NCKAP5: variants seen among roughly 807,000 people sequenced by gnomAD.
NCKAP5 encodes NCK associated protein 5.
In NCKAP5, 92 loss-of-function variants were observed where a neutral mutation model predicts 167.0. The ratio of observed to expected loss-of-function variants is 0.55; its 90% CI spans 0.47 to 0.66. The LOEUF (loss-of-function observed/expected upper bound fraction) is 0.66. Ranked by LOEUF, NCKAP5 falls within the 30% of genes least tolerant of loss-of-function variation. The pLI, the probability that NCKAP5 is intolerant of heterozygous loss-of-function variation, is 0.00. For synonymous variants in NCKAP5, 891 were observed against 877.4 expected, an observed-to-expected ratio of 1.02 and a Z score of -0.27; for missense variants, 2,378 against 2,315.0, an observed-to-expected ratio of 1.03 and a Z score of -0.56.
intron 3 of NCKAP5, among the ~76,000 whole-genome samples, chr2:133,503,267 C>A (rs1682700479): frequency 6.6e-6 from 1 of 152,230 alleles, no homozygotes; most frequent in Non-Finnish European, 1.5e-5. Flanking sequence ...GGGGGTATAA[C>A]TGTGAACGAG....
chr2:133,085,920 G>C (rs1350755387), intron 6 of NCKAP5, among the ~76,000 whole-genome samples: 1 of 152,196 alleles, frequency 6.6e-6, no homozygotes, highest in African/African-American at 2.4e-5. Flanking sequence ...TGGTAATAAG[G>C]GTCCCCCAAC....
intron 8 of NCKAP5, among the ~76,000 whole-genome samples, chr2:132,889,147 C>A (rs1261059565): frequency 6.6e-6 from 1 of 152,134 alleles, no homozygotes; most frequent in Non-Finnish European, 1.5e-5. Flanking sequence ...CACTGAGAGG[C>A]CAGCCATGGG....
chr2:133,591,221 T>C, the NCKAP5 span, among the ~76,000 whole-genome samples: 1 of 152,188 alleles, frequency 6.6e-6, no homozygotes, highest in Non-Finnish European at 1.5e-5. Flanking sequence ...ATTTAGATAC[T>C]GATGATCAAC....
chr2:132,916,751 G>T (rs1026385670), intron 8 of NCKAP5, among the ~76,000 whole-genome samples: 1 of 151,990 alleles, frequency 6.6e-6, no homozygotes, highest in African/African-American at 2.4e-5. Context: ...ACCACCTTTG[G>T]AATCATCACT....
intron 5 of NCKAP5, among the ~76,000 whole-genome samples, chr2:133,149,860 A>G (rs377407706): frequency 2.0e-4 from 31 of 152,158 alleles, no homozygotes; most frequent in African/African-American, 7.5e-4. Context: ...TGTTCAAAGT[A>G]TAAATTAACT....
At chr2:133,086,272 C>T (rs532538453) in intron 6 of NCKAP5, among the ~76,000 whole-genome samples, 70 of 152,226 alleles carry the variant, frequency 4.6e-4, no homozygotes, top group African/African-American at 1.6e-3. Flanking sequence ...GAGAAAATAT[C>T]TAAACAAACA....
At chr2:133,288,458 G>A (rs970528470) in intron 4 of NCKAP5, among the ~76,000 whole-genome samples, 2 of 152,130 alleles carry the variant, frequency 1.3e-5, no homozygotes, top group African/African-American at 4.8e-5. Flanking sequence ...ATTAGCCAGG[G>A]AGTCTGAATT....
intron 17 of NCKAP5, among the ~76,000 whole-genome samples, chr2:132,729,828 T>C (rs1020551029): frequency 6.6e-6 from 1 of 152,154 alleles, no homozygotes; most frequent in Non-Finnish European, 1.5e-5. Context: ...AGCATTTTGT[T>C]TGTGAGGGGA....
chr2:133,365,626 C>T (rs1362916207), intron 3 of NCKAP5, among the ~76,000 whole-genome samples: 4 of 152,136 alleles, frequency 2.6e-5, no homozygotes, highest in Non-Finnish European at 5.9e-5. Context: ...TTAATTTTCT[C>T]ACATCTTGCT....
chr2:132,732,589 G>A lies in NCKAP5; in HGVS notation c.5129-538C>T, dbSNP rs182092060. Among the ~76,000 whole-genome samples, 6 of 152,256 alleles carry A rather than the reference G, an allele frequency of 3.9e-5. No homozygotes were observed. The East Asian group carries it at 5.8e-4, about 15-fold the overall frequency. Reference sequence around the variant, plus strand: ...CAGCCTGTTACAAGCAGCAATAGTCGCTTGTGCATATATCCTGGATAATCA... The same window carrying A: ...CAGCCTGTTACAAGCAGCAATAGTCACTTGTGCATATATCCTGGATAATCA... On this transcript the variant is annotated intron_variant, in intron 16 of 19. Coordinates refer to ENST00000409261, the MANE Select transcript of NCKAP5 (RefSeq NM_207363.3).
chr2:133,548,824 C>G (rs957159197), intron 2 of NCKAP5, among the ~76,000 whole-genome samples: 7 of 151,734 alleles, frequency 4.6e-5, no homozygotes, highest in African/African-American at 1.7e-4. Flanking sequence ...CATCAACTAA[C>G]GAGCAAAATC....
chr2:133,405,257 T>G (rs541224836), intron 3 of NCKAP5, among the ~76,000 whole-genome samples: 1 of 152,310 alleles, frequency 6.6e-6, no homozygotes, highest in South Asian at 2.1e-4. Flanking sequence ...GCATAGAAAG[T>G]TCATTTATTA....
rs530211441 is a variant in NCKAP5 at position 133,037,460 on chromosome 2, T to C, written c.342-43221A>G. Among the ~76,000 whole-genome samples the C allele has an allele frequency of 2.1e-3, 316 of 152,116 alleles. 1 individual carries two copies. The highest frequency in any genetic ancestry group is 0.011 in the South Asian group (52 of 4,820). On this transcript the variant is annotated intron_variant, in intron 6 of 19. Transcript: ENST00000409261. ...GCATAAAAACAGACACATAGACCAA[T>C]GGAAGAGAACAGAAAATCTAGAAAC...
intron 6 of NCKAP5, among the ~76,000 whole-genome samples, chr2:133,049,128 T>A (rs1394270614): frequency 6.6e-6 from 1 of 152,164 alleles, no homozygotes; most frequent in East Asian, 1.9e-4. Context: ...CTTGCCAAAC[T>A]AACTATTATT....
chr2:133,144,865 G>A (rs570058319), intron 5 of NCKAP5, among the ~76,000 whole-genome samples: 1 of 152,230 alleles, frequency 6.6e-6, no homozygotes, highest in Admixed American at 6.5e-5. Context: ...TGCCGTGTTA[G>A]TGTTGTTAGA....
the NCKAP5 span, among the ~76,000 whole-genome samples, chr2:133,622,220 A>C: frequency 6.6e-6 from 1 of 152,066 alleles, no homozygotes; most frequent in Non-Finnish European, 1.5e-5. Context: ...CCTGAGAACT[A>C]GACCAAGACA....
At chr2:133,455,182 A>G (rs1378382487) in intron 3 of NCKAP5, among the ~76,000 whole-genome samples, 1 of 152,012 alleles carries the variant, frequency 6.6e-6, no homozygotes, top group East Asian at 1.9e-4. Flanking sequence ...AGGCTCCACA[A>G]TTTTTCTTGG....
intron 8 of NCKAP5, among the ~76,000 whole-genome samples, chr2:132,944,716 T>G (rs1430339772): frequency 6.6e-6 from 1 of 152,220 alleles, no homozygotes; most frequent in Non-Finnish European, 1.5e-5. Context: ...AGGAAGAAAC[T>G]ACTGTTCTAT....
At chr2:133,512,475 G>A (rs901140846) in intron 3 of NCKAP5, among the ~76,000 whole-genome samples, 23 of 152,146 alleles carry the variant, frequency 1.5e-4, no homozygotes. Flanking sequence ...AAGTGTTTTT[G>A]TAAATAAAAT....
Sources: gnomAD v4.1 joint callset for allele counts (sites outside exome capture counted in the v4.1 genomes callset) on GRCh38, gnomAD v4.1.1 for gene constraint, MANE v1.5 for transcripts, NCBI Gene and HGNC (gene_info 2026-07-23, HGNC 2026-07-21) for gene names.